Variants in RHOT1 observed in about 807,000 individuals in gnomAD.
The protein encoded by RHOT1 is ras homolog family member T1.
In RHOT1, 27 loss-of-function variants were observed where a neutral mutation model predicts 95.3. The ratio of observed to expected loss-of-function variants is 0.28; its 90% CI spans 0.21 to 0.39. The LOEUF (loss-of-function observed/expected upper bound fraction) is 0.39, where lower values mean the gene tolerates loss of function less well. RHOT1 is among the 10% of genes least tolerant of loss of function. The pLI, the probability that RHOT1 is intolerant of heterozygous loss-of-function variation, is 1.00. For synonymous variants in RHOT1, 227 were observed against 263.5 expected (o/e 0.86, Z 1.34); for missense variants, 578 against 786.7 (o/e 0.73, Z 3.17).
intron 1 of RHOT1, chr17:32,150,996 G>A (rs1369101655): frequency 4.6e-6 from 7 of 1,536,134 alleles, no homozygotes; most frequent in East Asian, 2.3e-5. Context: ...AATTTGAATC[G>A]CCGGTTCCTA....
intron 16 of RHOT1, among the ~76,000 whole-genome samples, chr17:32,206,441 C>CTTTTTTTTTTTTTTTTTTT: frequency 1.5e-5 from 1 of 67,008 alleles, no homozygotes; most frequent in Non-Finnish European, 3.0e-5. Context: ...TCTATACTTT[C>CTTTTTTTTTTTTTTTTTTT]TTTTTTTTTT....
chr17:32,161,348 A>C (rs2033535852), intron 1 of RHOT1, among the ~76,000 whole-genome samples: 1 of 152,140 alleles, frequency 6.6e-6, no homozygotes, highest in Non-Finnish European at 1.5e-5. Flanking sequence ...TCAGTCCTTC[A>C]CCAGAAATGC....
intron 19 of RHOT1, chr17:32,211,552 T>C (rs889973156): frequency 5.4e-6 from 1 of 185,074 alleles, no homozygotes; most frequent in African/African-American, 2.3e-5. Flanking sequence ...TGTGAGTTAA[T>C]AGATTAGGAC....
intron 13 of RHOT1, among the ~76,000 whole-genome samples, chr17:32,200,494 C>G (rs192438316): frequency 1.0e-3 from 158 of 152,174 alleles, no homozygotes; most frequent in Admixed American, 2.7e-3. Flanking sequence ...CAGCGTGGCT[C>G]ATACCTATAA....
At chr17:32,207,054 C>A in intron 17 of RHOT1, 25 bp downstream of exon 17, 1 of 1,578,832 alleles carries the variant, frequency 6.3e-7, no homozygotes, top group Non-Finnish European at 8.6e-7. Flanking sequence ...CAGACTATGA[C>A]TGAATGTAAC....
Position 32,224,611 on chromosome 17 carries a change from T to C in RHOT1, c.1863-5T>C. On this transcript the variant is annotated splice_polypyrimidine_tract_variant and splice_region_variant and intron_variant, in intron 19 of 19. Transcript: ENST00000545287. ...TTAAATAATAATTATATTTTCTGACTGCAGGCACGTGACACAAGCTGACCT... is the reference window on the plus strand; with the variant it reads ...TTAAATAATAATTATATTTTCTGACCGCAGGCACGTGACACAAGCTGACCT... The C allele has an allele frequency of 1.2e-6, 2 of 1,601,014 alleles. No individual in the cohort carries two copies. The highest frequency in any genetic ancestry group is 1.7e-6 in the Non-Finnish European group (2 of 1,169,716).
At chr17:32,161,921 G>T (rs1380757022) in intron 1 of RHOT1, among the ~76,000 whole-genome samples, 1 of 152,144 alleles carries the variant, frequency 6.6e-6, no homozygotes, top group Admixed American at 6.6e-5. Context: ...AGAGGTACAT[G>T]GGGAAAGGTC....
chr17:32,189,736 C>CTTTTTTTTTT (rs71362807), intron 8 of RHOT1, among the ~76,000 whole-genome samples: 98 of 124,336 alleles, frequency 7.9e-4, no homozygotes, highest in Non-Finnish European at 1.0e-3. Context: ...CTTTTCTTTT[C>CTTTTTTTTTT]TTTTTTTTTT....
At chr17:32,209,401 A>G in intron 18 of RHOT1, 2 of 1,612,280 alleles carry the variant, frequency 1.2e-6, no homozygotes, top group Non-Finnish European at 8.5e-7. Context: ...ACACTGATAG[A>G]ATAGAGAATT....
chr17:32,220,550 AGG>A (rs2038764679), intron 19 of RHOT1, among the ~76,000 whole-genome samples: 1 of 152,058 alleles, frequency 6.6e-6, no homozygotes, highest in African/African-American at 2.4e-5. Flanking sequence ...AAAGTCTAAA[AGG>A]GGCTGGGCAC....
intron 1 of RHOT1, among the ~76,000 whole-genome samples, chr17:32,150,055 TATTA>T (rs1184149133): frequency 2.0e-5 from 3 of 152,102 alleles, no homozygotes; most frequent in Non-Finnish European, 4.4e-5. Flanking sequence ...CTGGCCAAAA[TATTA>T]ATTTTTTAAA....
intron 8 of RHOT1, among the ~76,000 whole-genome samples, chr17:32,189,094 C>T (rs796966753): frequency 2.0e-5 from 3 of 152,198 alleles, no homozygotes; most frequent in South Asian, 4.1e-4. Flanking sequence ...GGTAGGATAT[C>T]GAGACCATCC....
At chr17:32,189,224 A>G (rs1052649863) in intron 8 of RHOT1, among the ~76,000 whole-genome samples, 2 of 152,168 alleles carry the variant, frequency 1.3e-5, no homozygotes, top group Admixed American at 6.5e-5. Flanking sequence ...GCATGAACCC[A>G]GGAGACGGAG....
At chr17:32,203,246 A>G (rs1392441043) in intron 15 of RHOT1, among the ~76,000 whole-genome samples, 2 of 138,228 alleles carry the variant, frequency 1.4e-5, no homozygotes, top group African/African-American at 2.9e-5. Flanking sequence ...AGAAGAAGAC[A>G]TATTTCTTTT....
intron 14 of RHOT1, among the ~76,000 whole-genome samples, chr17:32,201,947 C>T (rs1037598083): frequency 3.3e-5 from 5 of 152,198 alleles, no homozygotes; most frequent in Middle Eastern, 6.8e-3. Context: ...GAGTCTCTCT[C>T]TATCACCAGG....
In RHOT1 at chr17:32,207,047, A is replaced by G; in HGVS notation, c.1536+18A>G. ...TTTTTAAGGTTTGTTGCTCCTACAG[A>G]CTATGACTGAATGTAACTTCATATG... is the stretch of plus-strand genomic sequence containing the variant. On this transcript the variant is annotated intron_variant, in intron 17 of 19. Transcript: ENST00000545287. 1 of 1,590,714 alleles carries G rather than the reference A, an allele frequency of 6.3e-7. No individual in the cohort carries two copies. The highest frequency in any genetic ancestry group is 8.5e-7 in the Non-Finnish European group (1 of 1,172,222).
chr17:32,175,179 C>T, intron 3 of RHOT1, 140 bp from the exon 4 acceptor site: 1 of 680,598 alleles, frequency 1.5e-6, no homozygotes, highest in Non-Finnish European at 2.6e-6. Context: ...GAACCTTTTC[C>T]TTCCCCTGGC....
intron 19 of RHOT1, chr17:32,223,009 C>CT (rs1042920156): frequency 2.9e-5 from 9 of 315,660 alleles, no homozygotes; most frequent in African/African-American, 1.8e-4. Context: ...GTTGGAAAAA[C>CT]TAACTTGCAA....
chr17:32,146,282 C>G (rs990785082), intron 1 of RHOT1, among the ~76,000 whole-genome samples: 1 of 151,982 alleles, frequency 6.6e-6, no homozygotes, highest in African/African-American at 2.4e-5. Flanking sequence ...TTGCTGTATC[C>G]CCAGTGGCTA....
Sources: allele counts gnomAD v4.1 joint callset (sites outside exome capture counted in the v4.1 genomes callset), GRCh38; gene constraint gnomAD v4.1.1; transcripts MANE v1.5; gene names NCBI Gene and HGNC (gene_info 2026-07-23, HGNC 2026-07-21).